IGSF11: variants seen among roughly 807,000 people sequenced by gnomAD.
IGSF11 encodes immunoglobulin superfamily member 11.
In IGSF11, 22 loss-of-function variants were observed where a neutral mutation model predicts 41.0. That is an observed-to-expected ratio of 0.54 (90% CI 0.38 to 0.77). The LOEUF (loss-of-function observed/expected upper bound fraction) is 0.77. Ranked by LOEUF, IGSF11 falls within the 30% of genes least tolerant of loss-of-function variation. The pLI, the probability that IGSF11 is intolerant of heterozygous loss-of-function variation, is 0.00. For missense variants in IGSF11, 444 were observed against 530.8 expected (o/e 0.84, Z 1.61); for synonymous variants, 219 against 201.3 (o/e 1.09, Z -0.74).
chr3:119,013,129 C>G, intron 1 of IGSF11: 1 of 152,256 alleles, frequency 6.6e-6, no homozygotes, highest in African/African-American at 2.4e-5. Flanking sequence ...TTCCCCATTA[C>G]CTCCTTGCTT....
intron 1 of IGSF11, among the ~76,000 whole-genome samples, chr3:119,076,694 A>T (rs1314059415): frequency 3.3e-5 from 5 of 152,230 alleles, no homozygotes; most frequent in Non-Finnish European, 7.3e-5. Context: ...GAGAAATGCA[A>T]ATCAAAATCA....
intron 1 of IGSF11, among the ~76,000 whole-genome samples, chr3:118,996,542 A>G (rs1936282812): frequency 6.6e-6 from 1 of 152,162 alleles, no homozygotes; most frequent in South Asian, 2.1e-4. Context: ...ATAAACCATA[A>G]AACCCTTCCG....
At chr3:118,912,659 G>A (rs982536907) in intron 4 of IGSF11, among the ~76,000 whole-genome samples, 1 of 152,092 alleles carries the variant, frequency 6.6e-6, no homozygotes, top group African/African-American at 2.4e-5. Context: ...GTTCACATGA[G>A]GGAAACAGGA....
chr3:119,066,528 C>T (rs1244765105), intron 1 of IGSF11, among the ~76,000 whole-genome samples: 2 of 152,144 alleles, frequency 1.3e-5, no homozygotes, highest in Non-Finnish European at 2.9e-5. Flanking sequence ...TGTGCTGGAG[C>T]AGCTCATACC....
intron 1 of IGSF11, among the ~76,000 whole-genome samples, chr3:118,999,918 C>CA: frequency 6.6e-6 from 1 of 152,088 alleles, no homozygotes; most frequent in Admixed American, 6.6e-5. Flanking sequence ...TGTTGGAAAA[C>CA]AAAAATCAAC....
intron 1 of IGSF11, among the ~76,000 whole-genome samples, chr3:119,005,387 A>G (rs1937393367): frequency 6.6e-6 from 1 of 150,846 alleles, no homozygotes. Flanking sequence ...TCCTGAATAC[A>G]GCACACTGAT....
At chr3:119,133,199 T>C (rs7630405) in intron 1 of IGSF11, among the ~76,000 whole-genome samples, 150,403 of 152,302 alleles carry the variant, frequency 0.99, 74,288 homozygotes, top group Middle Eastern at 1. Context: ...TAGCAAAAGG[T>C]AAAAAATTAC....
chr3:119,016,277 C>A (rs1045133774), intron 1 of IGSF11, among the ~76,000 whole-genome samples: 1 of 152,170 alleles, frequency 6.6e-6, no homozygotes, highest in Non-Finnish European at 1.5e-5. Context: ...AGCCAGGTGG[C>A]ATATGGCATG....
chr3:119,074,513 A>C (rs1380920819), intron 1 of IGSF11, among the ~76,000 whole-genome samples: 1 of 151,826 alleles, frequency 6.6e-6, no homozygotes, highest in Non-Finnish European at 1.5e-5. Flanking sequence ...CAGTTAAAGC[A>C]GTGTTAAGAG....
At position 119,087,733 on chromosome 3, in the gene IGSF11, A is replaced by G. The variant is rs569464725; in HGVS notation, c.49+17411T>C. Reference sequence around the variant, plus strand: ...GAAATCACCACTACACAACTTATTTATGTAACCAAATGCCACCTGTTCCCC... The same window carrying G: ...GAAATCACCACTACACAACTTATTTGTGTAACCAAATGCCACCTGTTCCCC... On this transcript the variant is annotated intron_variant, in intron 1 of 6. Transcript: ENST00000354673. Among the ~76,000 whole-genome samples, 35 of 152,306 alleles carry G rather than the reference A, an allele frequency of 2.3e-4. No homozygotes were observed. The South Asian group carries it at 6.8e-3, about 30-fold the overall frequency.
intron 1 of IGSF11, among the ~76,000 whole-genome samples, chr3:119,058,395 A>C (rs1479356430): frequency 6.6e-6 from 1 of 152,258 alleles, no homozygotes; most frequent in Non-Finnish European, 1.5e-5. Flanking sequence ...ACTGGCCATC[A>C]GAGAAATGTA....
At chr3:119,003,741 C>T (rs1170920083) in intron 1 of IGSF11, among the ~76,000 whole-genome samples, 1 of 151,808 alleles carries the variant, frequency 6.6e-6, no homozygotes, top group Non-Finnish European at 1.5e-5. Context: ...TTGTCTTTGG[C>T]TCTCTTTATA....
intron 6 of IGSF11, among the ~76,000 whole-genome samples, chr3:118,903,827 A>G (rs1939241519): frequency 6.6e-6 from 1 of 152,200 alleles, no homozygotes; most frequent in Non-Finnish European, 1.5e-5. Context: ...AAGGGGCTAA[A>G]GACAACTTAT....
chr3:119,131,428 C>T (rs2077479862), intron 1 of IGSF11, among the ~76,000 whole-genome samples: 1 of 152,080 alleles, frequency 6.6e-6, no homozygotes, highest in Non-Finnish European at 1.5e-5. Flanking sequence ...ACAGCAGATT[C>T]ATTCAAGTGG....
intron 1 of IGSF11, among the ~76,000 whole-genome samples, chr3:118,974,324 T>C (rs568604356): frequency 6.6e-6 from 1 of 152,218 alleles, no homozygotes; most frequent in African/African-American, 2.4e-5. Flanking sequence ...ACAAGTAAGT[T>C]GAATTGAAGT....
intron 1 of IGSF11, among the ~76,000 whole-genome samples, chr3:118,972,254 T>G (rs999763345): frequency 1.3e-5 from 2 of 152,196 alleles, no homozygotes; most frequent in African/African-American, 4.8e-5. Context: ...ATACAAGGAT[T>G]TGAATGCCTG....
intron 1 of IGSF11, among the ~76,000 whole-genome samples, chr3:119,102,877 T>C (rs73856960): frequency 1.1e-4 from 16 of 152,324 alleles, no homozygotes; most frequent in African/African-American, 3.6e-4. Context: ...CAAGTCCCTC[T>C]GTGGTCTTAG....
intron 1 of IGSF11, among the ~76,000 whole-genome samples, chr3:119,097,590 C>T (rs1446245269): frequency 6.6e-6 from 1 of 152,090 alleles, no homozygotes; most frequent in Non-Finnish European, 1.5e-5. Flanking sequence ...TGTCATTTGG[C>T]TAACAAATCC....
chr3:118,986,022 T>C (rs546863295), intron 1 of IGSF11, among the ~76,000 whole-genome samples: 1 of 152,320 alleles, frequency 6.6e-6, no homozygotes, highest in South Asian at 2.1e-4. Flanking sequence ...CTCCTGCCAC[T>C]TGCCATGTCA....
Sources: gnomAD v4.1 joint callset for allele counts (sites outside exome capture counted in the v4.1 genomes callset) on GRCh38, gnomAD v4.1.1 for gene constraint, MANE v1.5 for transcripts, NCBI Gene and HGNC (gene_info 2026-07-23, HGNC 2026-07-21) for gene names.